TRPM3: variants seen among roughly 807,000 people sequenced by gnomAD.
TRPM3 encodes the protein long transient receptor potential channel 3.
A neutral mutation model predicts 181.2 loss-of-function variants in TRPM3; 77 were observed. The ratio of observed to expected loss-of-function variants is 0.42; its 90% CI spans 0.35 to 0.51. The LOEUF is 0.51. TRPM3 is among the 20% of genes least tolerant of loss of function. The pLI is 0.01. For missense variants in TRPM3, 1,759 were observed against 2,196.7 expected, an observed-to-expected ratio of 0.80 and a Z score of 3.98; for synonymous variants, 745 against 796.4, an observed-to-expected ratio of 0.94 and a Z score of 1.09.
At chr9:71,416,420 C>G (rs1202651778) in intron 1 of TRPM3, among the ~76,000 whole-genome samples, 2 of 151,696 alleles carry the variant, frequency 1.3e-5, no homozygotes, top group Non-Finnish European at 2.9e-5. Flanking sequence ...AAACTAATAG[C>G]ACAAACTGCT....
intron 1 of TRPM3, among the ~76,000 whole-genome samples, chr9:71,070,515 T>C (rs1439315071): frequency 6.6e-6 from 1 of 152,064 alleles, no homozygotes; most frequent in East Asian, 1.9e-4. Context: ...TGTATTTTCC[T>C]TTTTTAAAAA....
chr9:70,927,275 C>T (rs2096730027), intron 1 of TRPM3, among the ~76,000 whole-genome samples: 1 of 152,110 alleles, frequency 6.6e-6, no homozygotes, highest in Non-Finnish European at 1.5e-5. Flanking sequence ...TTCAAATTTA[C>T]TTTTCACACT....
chr9:71,110,116 G>A (rs950344176), intron 1 of TRPM3, among the ~76,000 whole-genome samples: 1 of 152,014 alleles, frequency 6.6e-6, no homozygotes. Flanking sequence ...CAATAAGCAC[G>A]AACGATTTAG....
At chr9:71,334,927 C>G (rs948271059) in intron 1 of TRPM3, among the ~76,000 whole-genome samples, 1 of 152,094 alleles carries the variant, frequency 6.6e-6, no homozygotes, top group Non-Finnish European at 1.5e-5. Flanking sequence ...TCTCCATATA[C>G]ATACCAATAT....
At chr9:70,949,824 G>A (rs2096978212) in intron 1 of TRPM3, among the ~76,000 whole-genome samples, 1 of 152,156 alleles carries the variant, frequency 6.6e-6, no homozygotes, top group Admixed American at 6.5e-5. Context: ...GGTTTCTGGA[G>A]GAAATTTAAC....
intron 1 of TRPM3, among the ~76,000 whole-genome samples, chr9:71,341,521 A>C (rs1367626): frequency 0.99 from 150,564 of 152,100 alleles, 74,547 homozygotes; most frequent in East Asian, 1. Context: ...AAACATTTTA[A>C]AAAATGAGTG....
At chr9:70,752,515 C>G (rs771968795) in intron 8 of TRPM3, among the ~76,000 whole-genome samples, 3 of 151,960 alleles carry the variant, frequency 2.0e-5, no homozygotes, top group Non-Finnish European at 2.9e-5. Flanking sequence ...AAACATGAGG[C>G]AAAAAGCACA....
intron 22 of TRPM3, among the ~76,000 whole-genome samples, chr9:70,588,553 C>T (rs1341093178): frequency 6.6e-6 from 1 of 151,928 alleles, no homozygotes; most frequent in Non-Finnish European, 1.5e-5. Flanking sequence ...AGCAGCATTT[C>T]AGAAGGCCCG....
chr9:71,364,204 TA>T (rs796163068), intron 1 of TRPM3, among the ~76,000 whole-genome samples: 3,360 of 146,344 alleles, frequency 0.023, 127 homozygotes, highest in African/African-American at 0.073. Flanking sequence ...CTCTCTCCTT[TA>T]AAAAAAAAAA....
intron 1 of TRPM3, among the ~76,000 whole-genome samples, chr9:71,412,309 G>T (rs2093565933): frequency 6.6e-6 from 1 of 152,094 alleles, no homozygotes; most frequent in African/African-American, 2.4e-5. Context: ...GAATGAACAG[G>T]CAACCTACAG....
chr9:71,237,709 T>C (rs1301348528), intron 1 of TRPM3, among the ~76,000 whole-genome samples: 1 of 152,230 alleles, frequency 6.6e-6, no homozygotes, highest in Non-Finnish European at 1.5e-5. Flanking sequence ...TTTGTGCCGC[T>C]GTAACAGAAT....
intron 6 of TRPM3, among the ~76,000 whole-genome samples, chr9:70,810,701 T>A (rs1040026619): frequency 6.6e-6 from 1 of 152,098 alleles, no homozygotes; most frequent in Non-Finnish European, 1.5e-5. Flanking sequence ...AGATAATGCT[T>A]CCATGTGTAG....
chr9:70,973,155 C>CATTAATAA (rs2097263494), intron 1 of TRPM3, among the ~76,000 whole-genome samples: 3 of 152,118 alleles, frequency 2.0e-5, no homozygotes, highest in Admixed American at 1.3e-4. Flanking sequence ...TAATGCTTAC[C>CATTAATAA]ATGTACAATC....
intron 25 of TRPM3, among the ~76,000 whole-genome samples, chr9:70,547,310 T>C (rs2045238858): frequency 1.3e-5 from 2 of 152,086 alleles, no homozygotes; most frequent in Admixed American, 6.5e-5. Context: ...CATATGTGTA[T>C]ATGTCTCTAC....
At chr9:70,603,219 G>A (rs1039287141) in intron 20 of TRPM3, 123 bp downstream of exon 20, 14 of 1,197,924 alleles carry the variant, frequency 1.2e-5, no homozygotes, top group Non-Finnish European at 1.6e-5. Context: ...AGCAGCTGTG[G>A]TAGAGTTAGA....
At chr9:70,574,025 CCAT>C (rs2053216078) in intron 22 of TRPM3, among the ~76,000 whole-genome samples, 1 of 144,604 alleles carries the variant, frequency 6.9e-6, no homozygotes, top group African/African-American at 2.6e-5. Context: ...ACCAACACCA[CCAT>C]GCTTGGATTG....
chr9:70,978,708 A>G (rs3010437), intron 1 of TRPM3, among the ~76,000 whole-genome samples: 103,593 of 152,110 alleles, frequency 0.68, 35,417 homozygotes, highest in South Asian at 0.74. Context: ...AAATTGTTTC[A>G]TAAAACACCA....
intron 1 of TRPM3, among the ~76,000 whole-genome samples, chr9:71,112,982 G>A (rs563656805): frequency 7.9e-5 from 12 of 152,200 alleles, no homozygotes; most frequent in African/African-American, 2.9e-4. Context: ...TTGAGGAGGG[G>A]AAAAACAAGG....
intron 6 of TRPM3, chr9:70,810,068 G>A (rs2091668945): frequency 1.9e-6 from 1 of 534,598 alleles, no homozygotes; most frequent in Non-Finnish European, 3.8e-6. Context: ...CGAGTCACAT[G>A]AAGAAAGACT....
Sources: allele counts gnomAD v4.1 joint callset (sites outside exome capture counted in the v4.1 genomes callset), GRCh38; gene constraint gnomAD v4.1.1; transcripts MANE v1.5; gene names NCBI Gene and HGNC (gene_info 2026-07-23, HGNC 2026-07-21).